Variants in PLEKHA1 observed in about 807,000 individuals in gnomAD.
The protein encoded by PLEKHA1 is pleckstrin homology domain-containing family A member 1.
A neutral mutation model predicts 52.0 loss-of-function variants in PLEKHA1; 34 were observed. The ratio of observed to expected loss-of-function variants is 0.65; its 90% CI spans 0.50 to 0.87. The LOEUF (loss-of-function observed/expected upper bound fraction) is 0.87, where lower values mean the gene tolerates loss of function less well. PLEKHA1 is among the 40% of genes least tolerant of loss of function. The pLI is 0.00. For synonymous variants in PLEKHA1, 163 were observed against 170.7 expected (o/e 0.95, Z 0.35); for missense variants, 497 against 504.2 (o/e 0.99, Z 0.14).
In PLEKHA1 at chr10:122,426,929, T is replaced by A. The variant is rs1020424543; in HGVS notation, c.811-13T>A. ...GAGAAAAAATTGTTTGAATGAGTTC[T>A]TTTTTCCTTTAGGCTGATAGCCCTG... On this transcript the variant is annotated splice_polypyrimidine_tract_variant and intron_variant, in intron 10 of 11. Coordinates refer to ENST00000368990, the MANE Select transcript of PLEKHA1 (RefSeq NM_001001974.4). 6.2e-6 allele frequency: 10 copies of A among 1,606,872 alleles called. No homozygotes were observed. In the Admixed American group the frequency reaches 1.7e-4, roughly 27 times the overall value.
At position 122,432,303 on chromosome 10, in the gene PLEKHA1, A is replaced by T. The variant is rs992714299; in HGVS notation, c.*2365A>T. On this transcript the variant is annotated 3_prime_UTR_variant, in exon 12 of 12. Transcript: ENST00000368990. ...TAAAGTGTGTTATCTTTATATGTCAAACTGGTTGAACACTGTAATGAGAAT... is the reference window on the plus strand; with the variant it reads ...TAAAGTGTGTTATCTTTATATGTCATACTGGTTGAACACTGTAATGAGAAT... 1 of 152,166 alleles carries T rather than the reference A, an allele frequency of 6.6e-6. No homozygotes were observed. The highest frequency in any genetic ancestry group is 2.4e-5 in the African/African-American group (1 of 41,446). 9.4% of individuals were successfully genotyped at this position (152,166 alleles called of 1,614,324 possible).
Position 122,424,243 on chromosome 10 carries a change from A to G in PLEKHA1, c.726A>G (p.Lys242=). ...TAATACCACTTAAAGAGGTTCATAAAGTCCAGGAATGTAAGCAAAGGTAAG... is the reference window on the plus strand; with the variant it reads ...TAATACCACTTAAAGAGGTTCATAAGGTCCAGGAATGTAAGCAAAGGTAAG... ...LRVIPLKEVH[K]VQECKQSDIM... Residue 242 remains lysine, a synonymous_variant, in exon 9 of 12, where the codon AAA becomes AAG. Transcript: ENST00000368990. 1 of 1,598,038 alleles carries G rather than the reference A, an allele frequency of 6.3e-7. No individual in the cohort carries two copies. Among genetic ancestry groups the G allele is most frequent in the East Asian group, 2.2e-5 (1 of 44,776 alleles).
At position 122,393,179 on chromosome 10, in the gene PLEKHA1, A is replaced by G; in HGVS notation, c.-20-2A>G. On this transcript the variant is annotated splice_acceptor_variant, in intron 1 of 11. Coordinates refer to ENST00000368990, the MANE Select transcript of PLEKHA1 (RefSeq NM_001001974.4). LOFTEE classifies it low-confidence loss of function (5UTR_SPLICE). The surrounding 1 kb of genome is among the most constrained non-coding windows in gnomAD (Gnocchi z 4.5). ...CTTACTGTTAATATTTTTATTTTACAGTGTAATGTTCAAGCTCAGAAATGC... is the reference window on the plus strand; with the variant it reads ...CTTACTGTTAATATTTTTATTTTACGGTGTAATGTTCAAGCTCAGAAATGC... The G allele has an allele frequency of 1.3e-6, 2 of 1,581,978 alleles. No homozygotes were observed. The highest frequency in any genetic ancestry group is 1.7e-6 in the Non-Finnish European group (2 of 1,165,860).
At chr10:122,375,177 C>T (rs977330018) in intron 1 of PLEKHA1, among the ~76,000 whole-genome samples, 17 of 151,972 alleles carry the variant, frequency 1.1e-4, no homozygotes, top group African/African-American at 4.1e-4. Context: ...CCGACGAGCT[C>T]CTCGGCGTCT....
At chr10:122,436,772 A>G (rs1039220482), downstream of PLEKHA1, 1 of 152,206 alleles carries the variant, frequency 6.6e-6, no homozygotes, top group Non-Finnish European at 1.5e-5. Context: ...GTCCCATGAG[A>G]GAAAAAGGTA....
intron 4 of PLEKHA1, among the ~76,000 whole-genome samples, chr10:122,404,520 A>G (rs559984546): frequency 3.3e-5 from 5 of 152,350 alleles, no homozygotes; most frequent in African/African-American, 1.2e-4. Context: ...GGAAGAAGCC[A>G]TTATGAATGA....
chr10:122,381,908 A>G (rs1187301876), intron 1 of PLEKHA1, among the ~76,000 whole-genome samples: 2 of 152,152 alleles, frequency 1.3e-5, no homozygotes, highest in East Asian at 3.9e-4. Flanking sequence ...CTGGAGGTCA[A>G]CAGTGTTCAA....
At chr10:122,429,518 GTGTGTGT>G in intron 11 of PLEKHA1, 99 bp from the exon 12 acceptor site, 1 of 881,760 alleles carries the variant, frequency 1.1e-6, no homozygotes, top group Admixed American at 2.3e-5. Context: ...GTGTGTGTGT[GTGTGTGT>G]GTGTGTTTTA....
rs2097348385 is a variant in PLEKHA1, at chr10:122,427,003, A to G, written c.872A>G (p.Gln291Arg). The G allele has an allele frequency of 1.2e-6, 2 of 1,614,068 alleles. No individual in the cohort carries two copies. Among genetic ancestry groups the G allele is most frequent in the Non-Finnish European group, 1.7e-6 (2 of 1,179,942 alleles). ...IKAVSGAIVAQRGPGRSASSE... is the reference protein window; with the variant it reads ...IKAVSGAIVARRGPGRSASSE... ...GCAGTCTCTGGCGCCATTGTAGCAC[A>G]GCGGGGTCCCGGCAGATCTGCGTCT... The change falls in exon 11 of 12, where the codon CAG becomes CGG. Residue 291 changes from glutamine (Q) to arginine (R), a missense_variant. Coordinates refer to ENST00000368990, the MANE Select transcript of PLEKHA1 (RefSeq NM_001001974.4).
intron 1 of PLEKHA1, among the ~76,000 whole-genome samples, chr10:122,376,425 GTATC>G (rs1159104472): frequency 6.6e-6 from 1 of 150,932 alleles, no homozygotes; most frequent in Admixed American, 6.6e-5. Flanking sequence ...ACCTTACACT[GTATC>G]TACTGACAGT....
In PLEKHA1 at chr10:122,424,193, T is replaced by TGC; in HGVS notation, c.682-5_682-4dup. 1.3e-6 allele frequency: 2 copies of TGC among 1,536,106 alleles called. No individual in the cohort carries two copies. The highest frequency in any genetic ancestry group is 1.7e-6 in the Non-Finnish European group (2 of 1,147,704). ...ACTGTTTTTTTTTTTTTTTTTTTTT[T>TGC]GCCAGGAAAAGGAACCTCTTCGTGT... On this transcript the variant is annotated splice_polypyrimidine_tract_variant and splice_region_variant and intron_variant, in intron 8 of 11. Coordinates refer to ENST00000368990, the MANE Select transcript of PLEKHA1 (RefSeq NM_001001974.4).
chr10:122,412,726 G>C (rs1183296282), intron 5 of PLEKHA1, 194 bp from the exon 6 acceptor site: 1 of 593,878 alleles, frequency 1.7e-6, no homozygotes, highest in Non-Finnish European at 2.9e-6. Flanking sequence ...CTCATTACGT[G>C]ATAGCTATAT....
chr10:122,428,386 G>T, intron 11 of PLEKHA1: 1 of 1,534,874 alleles, frequency 6.5e-7, no homozygotes. Flanking sequence ...CTTAGTGGAG[G>T]GCCCAGACTT....
intron 8 of PLEKHA1, chr10:122,422,962 G>A (rs991070245): frequency 1.3e-5 from 2 of 152,066 alleles, no homozygotes; most frequent in African/African-American, 4.8e-5. Flanking sequence ...AACAGATAAT[G>A]ATAAAGCAAA....
Position 122,393,176 on chromosome 10 carries a change from T to C in PLEKHA1, c.-20-5T>C. On this transcript the variant is annotated splice_polypyrimidine_tract_variant and splice_region_variant and intron_variant, in intron 1 of 11. Transcript: ENST00000368990. This position sits in a 1 kb window ranked among gnomAD's most constrained non-coding sequence, Gnocchi z 4.5. ...GAGCTTACTGTTAATATTTTTATTT[T>C]ACAGTGTAATGTTCAAGCTCAGAAA... 1 of 1,578,928 alleles carries C rather than the reference T, an allele frequency of 6.3e-7. No individual in the cohort carries two copies. The highest frequency in any genetic ancestry group is 8.6e-7 in the Non-Finnish European group (1 of 1,163,750).
At chr10:122,422,931 T>TCA (rs2097280837) in intron 8 of PLEKHA1, 1 of 152,148 alleles carries the variant, frequency 6.6e-6, no homozygotes, top group Non-Finnish European at 1.5e-5. Flanking sequence ...ATATACTCTG[T>TCA]CACACACATA....
chr10:122,396,409 T>C (rs2096850038), intron 2 of PLEKHA1, among the ~76,000 whole-genome samples: 1 of 152,154 alleles, frequency 6.6e-6, no homozygotes, highest in African/African-American at 2.4e-5. Flanking sequence ...TTTAATGTTA[T>C]ACATTAATGA....
At chr10:122,376,792 G>A (rs1239766035) in intron 1 of PLEKHA1, among the ~76,000 whole-genome samples, 2 of 152,256 alleles carry the variant, frequency 1.3e-5, no homozygotes, top group South Asian at 2.1e-4. Flanking sequence ...AAGCCGGAAG[G>A]ACCTTTTTAG....
At chr10:122,400,424 GAT>G (rs1419987239) in intron 4 of PLEKHA1, 36 bp downstream of exon 4, 1 of 1,543,052 alleles carries the variant, frequency 6.5e-7, no homozygotes, top group Non-Finnish European at 8.8e-7. Context: ...TAAATAGACT[GAT>G]ATAATTGTAT....
Sources: allele counts gnomAD v4.1 joint callset (sites outside exome capture counted in the v4.1 genomes callset), GRCh38; gene constraint gnomAD v4.1.1; non-coding constraint Gnocchi (gnomAD v3.1); transcripts MANE v1.5; gene names NCBI Gene and HGNC (gene_info 2026-07-23, HGNC 2026-07-21).